TBC1D1: variants seen among roughly 807,000 people sequenced by gnomAD.
The protein encoded by TBC1D1 is TBC1 (tre-2/USP6, BUB2, cdc16) domain family, member 1.
A neutral mutation model predicts 125.6 loss-of-function variants in TBC1D1; 89 were observed. That is an observed-to-expected ratio of 0.71 (90% CI 0.60 to 0.85). The LOEUF (loss-of-function observed/expected upper bound fraction) is 0.85. Ranked by LOEUF, TBC1D1 falls within the 40% of genes least tolerant of loss-of-function variation. TBC1D1 has a pLI of 0.00. For synonymous variants in TBC1D1, 565 were observed against 564.1 expected, an observed-to-expected ratio of 1.00 and a Z score of -0.02; for missense variants, 1,377 against 1,469.2, an observed-to-expected ratio of 0.94 and a Z score of 1.03.
At chr4:38,066,643 G>T (rs1245590913) in intron 12 of TBC1D1, among the ~76,000 whole-genome samples, 1 of 151,994 alleles carries the variant, frequency 6.6e-6, no homozygotes, top group Non-Finnish European at 1.5e-5. Flanking sequence ...CCATGTATTT[G>T]AATGAAAGAG....
chr4:38,068,579 G>A (rs907604011), intron 12 of TBC1D1, among the ~76,000 whole-genome samples: 1 of 152,052 alleles, frequency 6.6e-6, no homozygotes, highest in Admixed American at 6.6e-5. Context: ...CTGTGTCTTC[G>A]GGTTATTTAT....
At chr4:38,090,797 T>C (rs1348082916) in intron 13 of TBC1D1, among the ~76,000 whole-genome samples, 1 of 152,252 alleles carries the variant, frequency 6.6e-6, no homozygotes, top group African/African-American at 2.4e-5. Flanking sequence ...GTGAAGATTT[T>C]GAGCAGGAAG....
At chr4:38,111,427 A>G (rs1321680475) in intron 15 of TBC1D1, among the ~76,000 whole-genome samples, 2 of 152,196 alleles carry the variant, frequency 1.3e-5, no homozygotes. Context: ...TAAAACTGAG[A>G]TTAGTATTTA....
At chr4:38,077,077 A>G (rs1426642761) in intron 12 of TBC1D1, among the ~76,000 whole-genome samples, 4 of 152,176 alleles carry the variant, frequency 2.6e-5, no homozygotes, top group Non-Finnish European at 5.9e-5. Flanking sequence ...TCTTTCTGTA[A>G]TAGCCTTTGT....
rs756708470 is a variant in TBC1D1 at position 37,902,443 on chromosome 4, T to C, written c.348T>C (p.Cys116=). 1 of 1,614,136 alleles carries C rather than the reference T, an allele frequency of 6.2e-7. No homozygotes were observed. Among genetic ancestry groups the C allele is most frequent in the Non-Finnish European group, 8.5e-7 (1 of 1,180,008 alleles). ...GTCATGACCCAAGTTACTTTGCTTG[T>C]CTGATTAAGGAAGACGCTGTCCACC... The change falls in exon 2 of 20, where the codon TGT becomes TGC. Residue 116 remains cysteine (C), a synonymous_variant. Coordinates refer to ENST00000261439, the MANE Select transcript of TBC1D1 (RefSeq NM_015173.4).
intron 2 of TBC1D1, among the ~76,000 whole-genome samples, chr4:37,976,513 T>C (rs1356970654): frequency 6.6e-6 from 1 of 152,234 alleles, no homozygotes; most frequent in African/African-American, 2.4e-5. Flanking sequence ...CAATGGTCCT[T>C]CAAGAAGATA....
intron 7 of TBC1D1, among the ~76,000 whole-genome samples, chr4:38,030,106 G>A (rs1745848454): frequency 6.6e-6 from 1 of 152,144 alleles, no homozygotes; most frequent in South Asian, 2.1e-4. Context: ...CTCATAATGT[G>A]GGTTTTCTTT....
chr4:38,064,838 T>C (rs1056900519), intron 12 of TBC1D1, among the ~76,000 whole-genome samples: 20 of 152,044 alleles, frequency 1.3e-4, no homozygotes, highest in African/African-American at 3.6e-4. Context: ...TTGACCAGGA[T>C]GGTCTTCATC....
chr4:38,083,080 C>G (rs1292240429), intron 12 of TBC1D1, among the ~76,000 whole-genome samples: 1 of 152,172 alleles, frequency 6.6e-6, no homozygotes, highest in Non-Finnish European at 1.5e-5. Flanking sequence ...GTGCTCTGTT[C>G]TGTGTCCATA....
chr4:38,120,335 T>C (rs576242227), intron 17 of TBC1D1, among the ~76,000 whole-genome samples: 39 of 152,342 alleles, frequency 2.6e-4, no homozygotes, highest in Admixed American at 7.8e-4. Flanking sequence ...TGCTTTTTTT[T>C]CCACAGTCCA....
chr4:37,975,832 A>G (rs1277443693), intron 2 of TBC1D1, among the ~76,000 whole-genome samples: 3 of 152,234 alleles, frequency 2.0e-5, no homozygotes, highest in Non-Finnish European at 4.4e-5. Context: ...ATATTCATAT[A>G]TAATCATATC....
At chr4:38,117,648 A>AC (rs1763189248) in intron 16 of TBC1D1, among the ~76,000 whole-genome samples, 1 of 152,238 alleles carries the variant, frequency 6.6e-6, no homozygotes, top group Admixed American at 6.5e-5. Flanking sequence ...AGTCTTAGTA[A>AC]AGAGACTGGC....
At chr4:37,941,852 C>A (rs1725641466) in intron 2 of TBC1D1, among the ~76,000 whole-genome samples, 1 of 152,190 alleles carries the variant, frequency 6.6e-6, no homozygotes, top group Non-Finnish European at 1.5e-5. Flanking sequence ...GTTTCTTAAT[C>A]CTGAGTTCTA....
chr4:37,941,646 C>G (rs1725593962), intron 2 of TBC1D1, among the ~76,000 whole-genome samples: 1 of 152,180 alleles, frequency 6.6e-6, no homozygotes, highest in African/African-American at 2.4e-5. Flanking sequence ...TTCCTGCTTT[C>G]TCTTGTGGGC....
intron 11 of TBC1D1, 27 bp from the exon 13 acceptor site, chr4:38,053,079 A>G: frequency 7.3e-7 from 1 of 1,379,158 alleles, no homozygotes; most frequent in East Asian, 2.9e-5. Context: ...TCTTTATCCT[A>G]AACTCTTTTT....
chr4:38,101,277 A>T (rs936797407), intron 14 of TBC1D1, among the ~76,000 whole-genome samples: 2 of 152,138 alleles, frequency 1.3e-5, no homozygotes, highest in African/African-American at 4.8e-5. Flanking sequence ...TTTTTCCCGG[A>T]TGGAAAGAAA....
At chr4:37,980,179 A>C (rs1032267045) in intron 2 of TBC1D1, among the ~76,000 whole-genome samples, 1 of 152,246 alleles carries the variant, frequency 6.6e-6, no homozygotes, top group Admixed American at 6.5e-5. Flanking sequence ...CCAAAACGGG[A>C]GAGTTTTGTT....
intron 7 of TBC1D1, among the ~76,000 whole-genome samples, chr4:38,033,936 C>T (rs146507278): frequency 3.9e-4 from 59 of 152,296 alleles, no homozygotes; most frequent in Non-Finnish European, 6.3e-4. Flanking sequence ...ACCCATTTGC[C>T]GATCGATGCA....
At chr4:38,056,113 C>G (rs1028722469) in intron 12 of TBC1D1, among the ~76,000 whole-genome samples, 16 of 152,196 alleles carry the variant, frequency 1.1e-4, no homozygotes, top group Non-Finnish European at 1.9e-4. Context: ...TGAGCCGCAT[C>G]CTGCCTCCCT....
Sources: gnomAD v4.1 joint callset for allele counts (sites outside exome capture counted in the v4.1 genomes callset) on GRCh38, gnomAD v4.1.1 for gene constraint, MANE v1.5 for transcripts, NCBI Gene and HGNC (gene_info 2026-07-23, HGNC 2026-07-21) for gene names.